The following SIK2 variants were observed in gnomAD, a reference collection of about 807,000 sequenced individuals.
SIK2 encodes serine/threonine-protein kinase SIK2.
Under a neutral mutation model 103.2 loss-of-function variants are expected in SIK2, and 29 were observed. That is an observed-to-expected ratio of 0.28 (90% CI 0.21 to 0.38). The LOEUF (loss-of-function observed/expected upper bound fraction) is 0.38. Among genes scored for constraint, SIK2 ranks in the 10% least tolerant of loss-of-function variants. The pLI, the probability that SIK2 is intolerant of heterozygous loss-of-function variation, is 1.00. For missense variants in SIK2, 879 were observed against 1,171.0 expected (o/e 0.75, Z 3.64); for synonymous variants, 412 against 446.1 (o/e 0.92, Z 0.96).
chr11:111,714,200 A>C (rs998921402), intron 9 of SIK2, among the ~76,000 whole-genome samples: 2 of 152,228 alleles, frequency 1.3e-5, no homozygotes, highest in Non-Finnish European at 2.9e-5. Flanking sequence ...GTCCATCTCC[A>C]TAGAGAAGGG....
At chr11:111,661,289 C>T (rs1450868917) in intron 3 of SIK2, among the ~76,000 whole-genome samples, 2 of 152,104 alleles carry the variant, frequency 1.3e-5, no homozygotes, top group African/African-American at 2.4e-5. Flanking sequence ...GATTGATTGA[C>T]TGATTGATTT....
At position 111,721,785 on chromosome 11, in the gene SIK2, T is replaced by C. The variant is rs1299722969; in HGVS notation, c.1945-45T>C. ...CTTCAGCTAAGAACTGAGACGTTTT[T>C]CCCCATGGGGAATTGAAAATTGTTT... On this transcript the variant is annotated intron_variant, in intron 12 of 14. Coordinates refer to ENST00000304987, the MANE Select transcript of SIK2 (RefSeq NM_015191.3). The C allele has an allele frequency of 2.0e-6, 3 of 1,498,930 alleles. No individual in the cohort carries two copies. In the African/African-American group the frequency reaches 4.2e-5, roughly 21 times the overall value. 92.9% of individuals were successfully genotyped at this position (1,498,930 alleles called of 1,614,324 possible). A position where few individuals can be genotyped will look rare whatever the true frequency, so the allele number is the denominator to read the frequency against.
At chr11:111,609,149 A>G (rs879831312) in intron 1 of SIK2, among the ~76,000 whole-genome samples, 2 of 151,090 alleles carry the variant, frequency 1.3e-5, no homozygotes, top group Non-Finnish European at 2.9e-5. Flanking sequence ...ATTTAATTGC[A>G]TTGTCTTTTT....
chr11:111,625,019 G>A (rs920707139), intron 3 of SIK2, among the ~76,000 whole-genome samples: 2 of 152,116 alleles, frequency 1.3e-5, no homozygotes, highest in African/African-American at 4.8e-5. Context: ...AGGCCAGTAT[G>A]GCTCAAGAGG....
rs1943942754 is a variant in SIK2 at position 111,725,669 on chromosome 11, T to C, written c.*1540T>C. ...AAGAGAGGGACTAACTGATGCTGCA[T>C]CTAGAAAACACCTTTAAGTTGCCTT... On this transcript the variant is annotated 3_prime_UTR_variant, in exon 15 of 15. Transcript: ENST00000304987. The C allele has an allele frequency of 1.3e-5, 2 of 152,662 alleles. No homozygotes were observed. The highest frequency in any genetic ancestry group is 4.1e-4 in the South Asian group (2 of 4,832). The allele number at this position is 152,662 out of a possible 1,614,324, so 9.5% of individuals were successfully genotyped here. A position where few individuals can be genotyped will look rare whatever the true frequency, so the allele number is the denominator to read the frequency against.
At chr11:111,709,330 G>C (rs1354099451) in intron 8 of SIK2, among the ~76,000 whole-genome samples, 1 of 152,164 alleles carries the variant, frequency 6.6e-6, no homozygotes, top group Non-Finnish European at 1.5e-5. Flanking sequence ...CCTTCTTCAA[G>C]GCCCTGTCTC....
intron 8 of SIK2, among the ~76,000 whole-genome samples, chr11:111,706,751 G>A (rs1303199702): frequency 6.6e-6 from 1 of 152,074 alleles, no homozygotes; most frequent in Non-Finnish European, 1.5e-5. Flanking sequence ...CACAAGGTCA[G>A]TAGATCAAGA....
At chr11:111,717,634 C>T (rs1346265452) in intron 9 of SIK2, among the ~76,000 whole-genome samples, 1 of 152,182 alleles carries the variant, frequency 6.6e-6, no homozygotes, top group Non-Finnish European at 1.5e-5. Context: ...TATAAAGATA[C>T]ATGCATGAGT....
chr11:111,694,851 A>T lies in SIK2; in HGVS notation c.479-6035A>T, dbSNP rs190445961. Among the ~76,000 whole-genome samples, 851 of 152,042 alleles carry T rather than the reference A, an allele frequency of 5.6e-3. 9 individuals are homozygous for T. Among genetic ancestry groups the T allele is most frequent in the Non-Finnish European group, 8.9e-3 (603 of 67,992 alleles). On this transcript the variant is annotated intron_variant, in intron 4 of 14. Transcript: ENST00000304987. The stretch of plus-strand genomic sequence containing the variant: ...TTCCCCTTCATTTAAGCTAAGGAAG[A>T]TTATTTATTTGCTTCTTAGCTCATT...
At position 111,602,664 on chromosome 11, in the gene SIK2, T is replaced by G; in HGVS notation, c.101T>G (p.Val34Gly). Reference protein sequence around the residue: ...GTLGKGNFAVVKLGRHRITKT... With the variant: ...GTLGKGNFAVGKLGRHRITKT... ...CTGGGCAAGGGCAACTTCGCTGTGG[T>G]GAAGCTGGGGCGGCACCGGATCACC... Residue 34 changes from valine to glycine, a missense_variant, in exon 1 of 15, where the codon GTG (valine) becomes GGG (glycine). By Grantham distance (109) the Val-to-Gly change is moderately radical. Coordinates refer to ENST00000304987, the MANE Select transcript of SIK2 (RefSeq NM_015191.3). The surrounding 1 kb of genome is among the most constrained non-coding windows in gnomAD (Gnocchi z 4.5). The G allele has an allele frequency of 6.5e-7, 1 of 1,527,622 alleles. No homozygotes were observed. The highest frequency in any genetic ancestry group is 2.7e-5 in the East Asian group (1 of 37,160). 94.6% of individuals were successfully genotyped at this position (1,527,622 alleles called of 1,614,324 possible). A position where few individuals can be genotyped will look rare whatever the true frequency, so the allele number is the denominator to read the frequency against.
chr11:111,673,915 A>C (rs1312314960), intron 3 of SIK2, among the ~76,000 whole-genome samples: 1 of 151,796 alleles, frequency 6.6e-6, no homozygotes, highest in Admixed American at 6.6e-5. Context: ...CTCTACTAAA[A>C]ATACAAAAAT....
chr11:111,611,086 ATGTG>A lies in SIK2; in HGVS notation c.136-5128_136-5125del, dbSNP rs113893092. 5.3e-4 allele frequency among the ~76,000 whole-genome samples: 48 copies of A among 89,750 alleles called. No homozygotes were observed. In the South Asian group the frequency reaches 0.012, roughly 23 times the overall value. 58.9% of individuals were successfully genotyped at this position (89,750 alleles called of 152,430 possible). A position where few individuals can be genotyped will look rare whatever the true frequency, so the allele number is the denominator to read the frequency against. On this transcript the variant is annotated intron_variant, in intron 1 of 14. Transcript: ENST00000304987. ...CATGGTGAAACCCACTCTCGACCAA[ATGTG>A]TGTGTGTGTGTGTGTGTGTGTGTGT...
At chr11:111,712,507 A>C in intron 9 of SIK2, 132 bp downstream of exon 9, 1 of 938,892 alleles carries the variant, frequency 1.1e-6, no homozygotes, top group Non-Finnish European at 1.6e-6. Flanking sequence ...GCTTTTGTGG[A>C]GAAAAACCTT....
intron 3 of SIK2, among the ~76,000 whole-genome samples, chr11:111,679,789 CA>C (rs1942753653): frequency 6.6e-6 from 1 of 152,136 alleles, no homozygotes; most frequent in African/African-American, 2.4e-5. Flanking sequence ...AGAACCAGCA[CA>C]AGCTGAGCTG....
Position 111,727,214 on chromosome 11 carries a change from ACCTTGAGAATC to A in SIK2, c.*3089_*3099del. On this transcript the variant is annotated 3_prime_UTR_variant, in exon 15 of 15. Transcript: ENST00000304987. ...AGGCTGATGGTTCTCTACACCATCC[ACCTTGAGAATC>A]CCTGCGTGGGAGAGCATCAGGGCCC... 1 of 649,718 alleles carries A rather than the reference ACCTTGAGAATC, an allele frequency of 1.5e-6. No individual in the cohort carries two copies. Among genetic ancestry groups the A allele is most frequent in the East Asian group, 2.7e-5 (1 of 36,738 alleles). 40.2% of individuals were successfully genotyped at this position (649,718 alleles called of 1,614,324 possible). A position where few individuals can be genotyped will look rare whatever the true frequency, so the allele number is the denominator to read the frequency against.
intron 6 of SIK2, among the ~76,000 whole-genome samples, chr11:111,702,272 G>T (rs749712319): frequency 6.6e-6 from 1 of 152,136 alleles, no homozygotes; most frequent in Non-Finnish European, 1.5e-5. Context: ...TACCGCACGG[G>T]TGTTGTAAGG....
At chr11:111,622,106 TA>T (rs1456923708) in intron 3 of SIK2, among the ~76,000 whole-genome samples, 1 of 152,114 alleles carries the variant, frequency 6.6e-6, no homozygotes, top group African/African-American at 2.4e-5. Flanking sequence ...CCTTTTTCTT[TA>T]AACAATTATC....
intron 3 of SIK2, among the ~76,000 whole-genome samples, chr11:111,642,361 A>T (rs747271142): frequency 6.6e-6 from 1 of 152,158 alleles, no homozygotes; most frequent in Non-Finnish European, 1.5e-5. Context: ...GGGAATTCCC[A>T]TGACTCTCTA....
At chr11:111,702,800 T>TG (rs1252779975) in intron 6 of SIK2, among the ~76,000 whole-genome samples, 2 of 152,214 alleles carry the variant, frequency 1.3e-5, no homozygotes, top group Non-Finnish European at 2.9e-5. Context: ...AGCAGCCCGT[T>TG]GGAGAGCTCT....
Sources: gnomAD v4.1 joint callset for allele counts (sites outside exome capture counted in the v4.1 genomes callset) on GRCh38, gnomAD v4.1.1 for gene constraint, Gnocchi (gnomAD v3.1) non-coding constraint, MANE v1.5 for transcripts, NCBI Gene and HGNC (gene_info 2026-07-23, HGNC 2026-07-21) for gene names.